Variants in PYHIN1 observed in about 807,000 individuals in gnomAD.
PYHIN1 encodes pyrin and HIN domain family member 1.
Under a neutral mutation model 43.7 loss-of-function variants are expected in PYHIN1, and 32 were observed. That is an observed-to-expected ratio of 0.73 (90% CI 0.55 to 0.98). The LOEUF is 0.98. Among genes scored for constraint, PYHIN1 ranks in the 50% least tolerant of loss-of-function variants. PYHIN1 has a pLI of 0.00. For missense variants in PYHIN1, 588 were observed against 589.5 expected, an observed-to-expected ratio of 1.00 and a Z score of 0.03; for synonymous variants, 205 against 203.1, an observed-to-expected ratio of 1.01 and a Z score of -0.08.
chr1:158,990,738 T>A, the PYHIN1 span, among the ~76,000 whole-genome samples: 1 of 152,202 alleles, frequency 6.6e-6, no homozygotes, highest in Non-Finnish European at 1.5e-5. Context: ...AGATCAACTT[T>A]TTGAGATTCT....
In PYHIN1 at chr1:158,969,245, C is replaced by G. The variant is rs77351241; in HGVS notation, c.1360-4402C>G. Among the ~76,000 whole-genome samples the G allele has an allele frequency of 9.2e-3, 1,392 of 152,070 alleles. 24 individuals carry two copies. Among genetic ancestry groups the G allele is most frequent in the African/African-American group, 0.032 (1,337 of 41,518 alleles). On this transcript the variant is annotated intron_variant, in intron 7 of 8. Transcript: ENST00000368140. ...TGAGTTTGTTTCCATAATTCAGGTT[C>G]TGCAAGGCTTCGCATGAGAAATTAG...
intron 3 of PYHIN1, among the ~76,000 whole-genome samples, chr1:158,938,808 AC>A (rs762297922): frequency 2.4e-4 from 36 of 152,204 alleles, no homozygotes; most frequent in Admixed American, 7.9e-4. Flanking sequence ...AGATAAAAAA[AC>A]GTTTGCCTAT....
At chr1:158,960,469 G>A (rs1006318113) in intron 7 of PYHIN1, among the ~76,000 whole-genome samples, 4 of 152,216 alleles carry the variant, frequency 2.6e-5, no homozygotes, top group African/African-American at 7.2e-5. Context: ...AATCCCAGGA[G>A]GATATTATGC....
intron 7 of PYHIN1, among the ~76,000 whole-genome samples, chr1:158,963,116 C>T (rs76722250): frequency 0.01 from 1,579 of 152,232 alleles, 35 homozygotes; most frequent in African/African-American, 0.036. Flanking sequence ...CCAGTAGCAG[C>T]GGCTCTGCAT....
At position 158,933,969 on chromosome 1, in the gene PYHIN1, T is replaced by G. The variant is rs1772397; in HGVS notation, c.-21+2193T>G. On this transcript the variant is annotated intron_variant, in intron 1 of 8. Coordinates refer to ENST00000368140, the MANE Select transcript of PYHIN1 (RefSeq NM_152501.5). The surrounding 1 kb of genome is among the most constrained non-coding windows in gnomAD (Gnocchi z 6.3). ...TGTGTGCATCTTTGTCTGGAAAAAC[T>G]ACTGAGGCCTTCAGGTTCAGAGAAT... 0.86 allele frequency among the ~76,000 whole-genome samples: 130,645 copies of G among 152,062 alleles called. 57,983 individuals are homozygous for G. The highest frequency in any genetic ancestry group is 0.96 in the East Asian group (4,987 of 5,190).
intron 4 of PYHIN1, 72 bp from the exon 5 acceptor site, chr1:158,941,905 G>C (rs1322141037): frequency 1.8e-5 from 26 of 1,417,068 alleles, no homozygotes; most frequent in Non-Finnish European, 2.4e-5. Context: ...TGTGCCTTGA[G>C]GTCACTGAAG....
At chr1:158,963,369 C>T (rs1444160638) in intron 7 of PYHIN1, among the ~76,000 whole-genome samples, 1 of 152,148 alleles carries the variant, frequency 6.6e-6, no homozygotes, top group Non-Finnish European at 1.5e-5. Flanking sequence ...AGCAGCTCCT[C>T]GTTTCTCTGG....
chr1:158,952,624 C>T (rs1276912382), intron 7 of PYHIN1, among the ~76,000 whole-genome samples: 1 of 152,120 alleles, frequency 6.6e-6, no homozygotes, highest in Non-Finnish European at 1.5e-5. Context: ...CCTCCTTCCC[C>T]TTTTTAGGCT....
chr1:158,976,033 C>T (rs1332986847), intron 8 of PYHIN1, among the ~76,000 whole-genome samples: 1 of 151,996 alleles, frequency 6.6e-6, no homozygotes, highest in East Asian at 1.9e-4. Flanking sequence ...GCCAACATAC[C>T]TCATAACAGT....
At chr1:158,961,759 G>T (rs75482463) in intron 7 of PYHIN1, among the ~76,000 whole-genome samples, 287 of 152,224 alleles carry the variant, frequency 1.9e-3, no homozygotes, top group African/African-American at 6.7e-3. Flanking sequence ...AAGCTAAGTG[G>T]AGCCTGGGCA....
chr1:158,961,713 G>A (rs1335563548), intron 7 of PYHIN1, among the ~76,000 whole-genome samples: 1 of 152,138 alleles, frequency 6.6e-6, no homozygotes, highest in Non-Finnish European at 1.5e-5. Context: ...ATACCCCTAT[G>A]AGACCACCCC....
downstream of PYHIN1, among the ~76,000 whole-genome samples, chr1:158,979,925 C>G (rs889455401): frequency 6.6e-6 from 1 of 152,096 alleles, no homozygotes; most frequent in African/African-American, 2.4e-5. Context: ...TATTGTGCTT[C>G]TTTTTGTGTC....
rs779043722 is a variant in PYHIN1 at position 158,936,875 on chromosome 1, C to A, written c.-20-16C>A. On this transcript the variant is annotated splice_polypyrimidine_tract_variant and intron_variant, in intron 1 of 8. Coordinates refer to ENST00000368140, the MANE Select transcript of PYHIN1 (RefSeq NM_152501.5). ...TGTATACATGTGTAACACTATATAC[C>A]ATTTTTCTCTTGCAGGCTCACTTAT... 6.6e-7 allele frequency: 1 copy of A among 1,513,292 alleles called. No individual in the cohort carries two copies. The highest frequency in any genetic ancestry group is 8.9e-7 in the Non-Finnish European group (1 of 1,128,152). 93.7% of individuals were successfully genotyped at this position (1,513,292 alleles called of 1,614,324 possible).
chr1:158,983,627 TG>T, the PYHIN1 span, among the ~76,000 whole-genome samples: 1 of 152,142 alleles, frequency 6.6e-6, no homozygotes, highest in Non-Finnish European at 1.5e-5. Context: ...TGTCAGGTTT[TG>T]GTATCAGAAT....
intron 7 of PYHIN1, among the ~76,000 whole-genome samples, chr1:158,949,914 C>T (rs1045473862): frequency 6.6e-6 from 1 of 152,168 alleles, no homozygotes. Flanking sequence ...ATTTCTTTTG[C>T]CATGATGTAG....
rs754349350 is a variant in PYHIN1, at chr1:158,943,919, C to T, written c.1132C>T (p.Arg378Ter). Reference protein sequence around the residue: ...KGDKLRLFCFRLRKRENMSKL... With the variant: ...KGDKLRLFCF ...AGATAAGCTTCGACTCTTCTGCTTT[C>T]GACTGAGAAAGAGGGAAAATATGTC... Residue 378 changes from arginine (R) to a stop codon, truncating the protein, a stop_gained, in exon 6 of 9, where the codon CGA becomes TGA. Coordinates refer to ENST00000368140, the MANE Select transcript of PYHIN1 (RefSeq NM_152501.5). LOFTEE classifies it high-confidence loss of function. 2.5e-6 allele frequency: 4 copies of T among 1,606,204 alleles called. No homozygotes were observed. Among genetic ancestry groups the T allele is most frequent in the African/African-American group, 2.7e-5 (2 of 74,808 alleles).
At position 158,943,878 on chromosome 1, in the gene PYHIN1, T is replaced by C. The variant is rs1174773253; in HGVS notation, c.1091T>C (p.Ile364Thr). The C allele has an allele frequency of 6.2e-7, 1 of 1,610,412 alleles. No individual in the cohort carries two copies. Among genetic ancestry groups the C allele is most frequent in the South Asian group, 1.1e-5 (1 of 90,720 alleles). ...GTAGGAAAAGGAGAATGCCACAATA[T>C]CCCCTGTGAAAAAGGAGATAAGCTT... ...AVVGKGECHN[I>T]PCEKGDKLRL... is the part of the protein sequence containing the mutation. Residue 364 changes from isoleucine to threonine, a missense_variant, in exon 6 of 9, where the codon ATC becomes ACC. Physicochemically the swap from Ile to Thr is moderately conservative, Grantham distance 89. Coordinates refer to ENST00000368140, the MANE Select transcript of PYHIN1 (RefSeq NM_152501.5).
chr1:158,990,403 A>G, the PYHIN1 span, among the ~76,000 whole-genome samples: 13 of 152,192 alleles, frequency 8.5e-5, no homozygotes, highest in Admixed American at 7.2e-4. Flanking sequence ...GTTGACAGAC[A>G]ACATTATATG....
chr1:158,969,205 G>T (rs1650801161), intron 7 of PYHIN1, among the ~76,000 whole-genome samples: 1 of 151,962 alleles, frequency 6.6e-6, no homozygotes, highest in Non-Finnish European at 1.5e-5. Context: ...TTTAAAGTCA[G>T]ACATCGTTAT....
Sources: gnomAD v4.1 joint callset for allele counts (sites outside exome capture counted in the v4.1 genomes callset) on GRCh38, gnomAD v4.1.1 for gene constraint, Gnocchi (gnomAD v3.1) non-coding constraint, MANE v1.5 for transcripts, NCBI Gene and HGNC (gene_info 2026-07-23, HGNC 2026-07-21) for gene names.